NRDC: variants seen among roughly 807,000 people sequenced by gnomAD.
NRDC encodes nardilysin.
Under a neutral mutation model 147.1 loss-of-function variants are expected in NRDC, and 54 were observed. That is an observed-to-expected ratio of 0.37 (90% confidence interval 0.29 to 0.46). NRDC has a LOEUF of 0.46. NRDC is among the 20% of genes least tolerant of loss of function. The pLI, the probability that NRDC is intolerant of heterozygous loss-of-function variation, is 1.00. For synonymous variants in NRDC, 440 were observed against 482.1 expected, an observed-to-expected ratio of 0.91 and a Z score of 1.14; for missense variants, 1,082 against 1,370.6, an observed-to-expected ratio of 0.79 and a Z score of 3.33.
rs1264919736 is a variant in NRDC at position 51,828,424 on chromosome 1, CTT to C, written c.867-557_867-556del. The stretch of plus-strand genomic sequence containing the variant: ...GTTTTTATAGAGTATATAAAGCTTA[CTT>C]TTTTAGTTCAATGCAAGTTTACAGA... On this transcript the variant is annotated intron_variant, in intron 4 of 30. Transcript: ENST00000352171. 1.3e-4 allele frequency among the ~76,000 whole-genome samples: 20 copies of C among 152,204 alleles called. No individual in the cohort carries two copies. The South Asian group carries it at 4.1e-3, about 32-fold the overall frequency.
chr1:51,789,699 A>AGAT (rs1557892959), intron 29 of NRDC, 42 bp from the exon 30 acceptor site: 6 of 1,407,976 alleles, frequency 4.3e-6, no homozygotes, highest in Middle Eastern at 1.8e-4. Flanking sequence ...TCAAGAAGAA[A>AGAT]GATAGCTCTT....
chr1:51,846,627 T>C (rs910879202), intron 1 of NRDC, among the ~76,000 whole-genome samples: 4 of 152,156 alleles, frequency 2.6e-5, no homozygotes, highest in African/African-American at 7.2e-5. Context: ...GCTTCAGGAG[T>C]GAAGCTGCAG....
chr1:51,825,333 A>G lies in NRDC; in HGVS notation c.990T>C (p.Phe330=), dbSNP rs765946896. ...PSDANRKEML[F]GSLARPGHPM... is the part of the protein sequence containing the mutation. ...GATGTCCAGGTCTAGCAAGGCTTCC[A>G]AACAACATTTCCTTTCTGTTTGCAT... The change falls in exon 6 of 31, where the codon TTT becomes TTC. Residue 330 remains phenylalanine, a synonymous_variant. Coordinates refer to ENST00000352171, the MANE Select transcript of NRDC (RefSeq NM_001101662.2). The G allele has an allele frequency of 2.5e-6, 4 of 1,598,592 alleles. No individual in the cohort carries two copies. The highest frequency in any genetic ancestry group is 3.4e-6 in the Non-Finnish European group (4 of 1,176,274).
intron 1 of NRDC, among the ~76,000 whole-genome samples, chr1:51,857,043 T>C (rs1046025893): frequency 6.6e-6 from 1 of 152,172 alleles, no homozygotes. Flanking sequence ...ACAAGGGCTA[T>C]GGGAGTTACA....
chr1:51,806,283 T>A (rs1679459418), intron 18 of NRDC, among the ~76,000 whole-genome samples: 1 of 152,204 alleles, frequency 6.6e-6, no homozygotes, highest in South Asian at 2.1e-4. Context: ...GACTAGGCTA[T>A]CTGTCTATGA....
chr1:51,794,470 A>T lies in NRDC; in HGVS notation c.2775+2T>A. On this transcript the variant is annotated splice_donor_variant, in intron 24 of 30. Coordinates refer to ENST00000352171, the MANE Select transcript of NRDC (RefSeq NM_001101662.2). LOFTEE classifies it high-confidence loss of function. ...CGCCAGTCTTTAGTACACCCAACTG[A>T]CCTGGTAGTACACAGTGACTTCAGA... The T allele has an allele frequency of 6.2e-7, 1 of 1,614,076 alleles. No homozygotes were observed. Among genetic ancestry groups the T allele is most frequent in the Non-Finnish European group, 8.5e-7 (1 of 1,179,950 alleles).
intron 1 of NRDC, among the ~76,000 whole-genome samples, chr1:51,855,514 A>C (rs1682191176): frequency 6.6e-6 from 1 of 152,178 alleles, no homozygotes; most frequent in South Asian, 2.1e-4. Flanking sequence ...AAAAGAGTTC[A>C]CTGTATACTA....
chr1:51,790,004 G>T (rs541998940), intron 29 of NRDC, among the ~76,000 whole-genome samples: 1 of 152,232 alleles, frequency 6.6e-6, no homozygotes, highest in Non-Finnish European at 1.5e-5. Context: ...CTTCTATTAA[G>T]AAAACTAAAA....
chr1:51,799,310 T>C (rs988332572), intron 21 of NRDC, among the ~76,000 whole-genome samples: 3 of 152,276 alleles, frequency 2.0e-5, no homozygotes, highest in East Asian at 1.9e-4. Flanking sequence ...ATTCGTCATT[T>C]ACATTAGGTA....
chr1:51,877,302 T>C (rs1040210164), intron 1 of NRDC, among the ~76,000 whole-genome samples: 3 of 152,198 alleles, frequency 2.0e-5, no homozygotes, highest in Non-Finnish European at 4.4e-5. Flanking sequence ...AGCAAACTCT[T>C]TGGGTCTCAA....
chr1:51,852,491 A>C (rs1194536614), intron 1 of NRDC, among the ~76,000 whole-genome samples: 2 of 97,348 alleles, frequency 2.1e-5, no homozygotes, highest in Non-Finnish European at 5.0e-5. Flanking sequence ...TATATATAAC[A>C]TGTATATGAG....
chr1:51,843,718 G>A (rs1185902609), intron 1 of NRDC, among the ~76,000 whole-genome samples: 1 of 151,976 alleles, frequency 6.6e-6, no homozygotes, highest in African/African-American at 2.4e-5. Context: ...CCCAACAGCA[G>A]GACAAGTTAA....
chr1:51,791,064 C>A, intron 27 of NRDC, 74 bp from the exon 28 acceptor site: 3 of 1,072,252 alleles, frequency 2.8e-6, no homozygotes, highest in Non-Finnish European at 2.8e-6. Flanking sequence ...CGATCTCAGG[C>A]AGAAGGCAAA....
In NRDC at chr1:51,834,102, C is replaced by A; in HGVS notation, c.781G>T (p.Gly261Cys). 6.2e-7 allele frequency: 1 copy of A among 1,614,030 alleles called. No individual in the cohort carries two copies. Among genetic ancestry groups the A allele is most frequent in the Non-Finnish European group, 8.5e-7 (1 of 1,179,962 alleles). The change falls in exon 4 of 31, where the codon GGT (glycine) becomes TGT (cysteine). Residue 261 changes from glycine to cysteine, a missense_variant. Transcript: ENST00000352171. ...GFDAFLKKHG[G>C]SDNASTDCER... ...CAATCAGTTGAGGCATTATCACTAC[C>A]CCCATGCTTCTTCAGGAAGGCATCA...
chr1:51,852,152 T>C (rs1285917148), intron 1 of NRDC, among the ~76,000 whole-genome samples: 2 of 152,120 alleles, frequency 1.3e-5, no homozygotes, highest in Admixed American at 6.5e-5. Flanking sequence ...GAAATTTTCC[T>C]CTCTTTAAGC....
In NRDC at chr1:51,790,324, G is replaced by T. The variant is rs537848232; in HGVS notation, c.3168+209C>A. ...AGCTGCTCTGATTGAAATTGGTGGT[G>T]GTGTGGTAAGGATTAGCACCCAGCT... On this transcript the variant is annotated intron_variant, in intron 29 of 30. Coordinates refer to ENST00000352171, the MANE Select transcript of NRDC (RefSeq NM_001101662.2). 4.6e-5 allele frequency among the ~76,000 whole-genome samples: 7 copies of T among 152,322 alleles called. No individual in the cohort carries two copies. The South Asian group carries it at 1.4e-3, about 32-fold the overall frequency.
chr1:51,853,067 C>CA (rs890937707), intron 1 of NRDC, among the ~76,000 whole-genome samples: 16 of 151,630 alleles, frequency 1.1e-4, no homozygotes, highest in South Asian at 2.1e-4. Context: ...ACTAAAAATA[C>CA]AAAAAAATTA....
At chr1:51,830,680 G>C (rs1680668779) in intron 4 of NRDC, among the ~76,000 whole-genome samples, 1 of 152,192 alleles carries the variant, frequency 6.6e-6, no homozygotes, top group African/African-American at 2.4e-5. Context: ...TCTCCTGTTA[G>C]AAGTGGACAT....
intron 1 of NRDC, among the ~76,000 whole-genome samples, chr1:51,861,094 C>T (rs1207631153): frequency 1.3e-5 from 2 of 151,196 alleles, no homozygotes; most frequent in East Asian, 2.0e-4. Flanking sequence ...GGATTATAGG[C>T]GGGCATCACC....
Sources: allele counts gnomAD v4.1 joint callset (sites outside exome capture counted in the v4.1 genomes callset), GRCh38; gene constraint gnomAD v4.1.1; transcripts MANE v1.5; gene names NCBI Gene and HGNC (gene_info 2026-07-23, HGNC 2026-07-21).